CNTNAP2: variants seen among roughly 807,000 people sequenced by gnomAD.
CNTNAP2 encodes contactin-associated protein-like 2.
Under a neutral mutation model 155.2 loss-of-function variants are expected in CNTNAP2, and 98 were observed. That is an observed-to-expected ratio of 0.63 (90% CI 0.54 to 0.75). The LOEUF (loss-of-function observed/expected upper bound fraction) is 0.75. CNTNAP2 is among the 30% of genes least tolerant of loss of function. The pLI is 0.00. For missense variants in CNTNAP2, 1,727 were observed against 1,688.1 expected, an observed-to-expected ratio of 1.02 and a Z score of -0.40; for synonymous variants, 651 against 631.2, an observed-to-expected ratio of 1.03 and a Z score of -0.47.
chr7:146,267,095 A>G (rs1025570770), intron 1 of CNTNAP2, among the ~76,000 whole-genome samples: 10 of 152,258 alleles, frequency 6.6e-5, no homozygotes, highest in African/African-American at 2.4e-4. Context: ...GGTGGTAGAG[A>G]GGAGGCAAAT....
chr7:147,787,417 G>A (rs187901541), intron 13 of CNTNAP2, among the ~76,000 whole-genome samples: 1 of 152,296 alleles, frequency 6.6e-6, no homozygotes, highest in African/African-American at 2.4e-5. Context: ...GTGGGGAGAG[G>A]TGACACAAAG....
At chr7:148,394,771 T>G (rs1400747892) in intron 22 of CNTNAP2, among the ~76,000 whole-genome samples, 2 of 152,216 alleles carry the variant, frequency 1.3e-5, no homozygotes, top group Non-Finnish European at 2.9e-5. Context: ...AGCTCCCAGG[T>G]GCTGCTGATG....
At chr7:146,203,081 A>T (rs1396005745) in intron 1 of CNTNAP2, among the ~76,000 whole-genome samples, 1 of 152,186 alleles carries the variant, frequency 6.6e-6, no homozygotes, top group Non-Finnish European at 1.5e-5. Flanking sequence ...ATGCTCTTAC[A>T]TCACAACAAT....
intron 15 of CNTNAP2, among the ~76,000 whole-genome samples, chr7:148,103,683 T>G (rs913935340): frequency 6.6e-6 from 1 of 152,314 alleles, no homozygotes. Flanking sequence ...AACAGAATCG[T>G]TCTCGCTCTC....
chr7:148,247,621 C>A (rs372933688), intron 20 of CNTNAP2, among the ~76,000 whole-genome samples: 11,991 of 130,948 alleles, frequency 0.092, 789 homozygotes, highest in East Asian at 0.35. Context: ...CTCTCTCTCT[C>A]TCTCTATTTA....
In CNTNAP2 at chr7:147,011,418, CAAAAAAAAAAAA is replaced by C. The variant is rs759844476; in HGVS notation, c.403-32474_403-32463del. On this transcript the variant is annotated intron_variant, in intron 3 of 23. Coordinates refer to ENST00000361727, the MANE Select transcript of CNTNAP2 (RefSeq NM_014141.6). Reference sequence around the variant, plus strand: ...TGGACAACTGAATGACACTCCATCTCAAAAAAAAAAAAAAAAAAAAAAAAAAGGAACAAGGTT... The same window carrying C: ...TGGACAACTGAATGACACTCCATCTCAAAAAAAAAAAAAAGGAACAAGGTT... 3.0e-4 allele frequency among the ~76,000 whole-genome samples: 4 copies of C among 13,260 alleles called. No individual in the cohort carries two copies. In the South Asian group the frequency reaches 0.013, roughly 42 times the overall value. 8.7% of individuals were successfully genotyped at this position (13,260 alleles called of 152,430 possible). A position where few individuals can be genotyped will look rare whatever the true frequency, so the allele number is the denominator to read the frequency against.
At chr7:148,396,217 G>A (rs981257878) in intron 22 of CNTNAP2, among the ~76,000 whole-genome samples, 4 of 149,238 alleles carry the variant, frequency 2.7e-5, no homozygotes, top group East Asian at 1.9e-4. Context: ...CGTCATGCTC[G>A]TGCTACAGGA....
intron 10 of CNTNAP2, among the ~76,000 whole-genome samples, chr7:147,468,357 C>T (rs1798155973): frequency 6.6e-6 from 1 of 152,140 alleles, no homozygotes. Flanking sequence ...TTCTTGTATA[C>T]TTTTGATATT....
At chr7:147,968,962 G>C (rs899497797) in intron 14 of CNTNAP2, among the ~76,000 whole-genome samples, 8 of 152,196 alleles carry the variant, frequency 5.3e-5, no homozygotes, top group African/African-American at 1.9e-4. Context: ...GAAGAAAGCA[G>C]AAACAAGGAA....
chr7:147,806,698 A>C lies in CNTNAP2; in HGVS notation c.2099-96867A>C, dbSNP rs370744235. Among the ~76,000 whole-genome samples the C allele has an allele frequency of 4.3e-4, 65 of 152,316 alleles. 1 individual carries two copies. The East Asian group carries it at 4.8e-3, about 11-fold the overall frequency. On this transcript the variant is annotated intron_variant, in intron 13 of 23. Transcript: ENST00000361727. ...AGAATGAAATTCTGTCATTTACAAC[A>C]ATATGGTTGGAACTGGAGGTCATTA...
intron 3 of CNTNAP2, among the ~76,000 whole-genome samples, chr7:146,907,979 A>C (rs1796177179): frequency 1.3e-5 from 2 of 152,176 alleles, no homozygotes; most frequent in Non-Finnish European, 2.9e-5. Context: ...ATAGAAAACT[A>C]AAAAAGGCAG....
At chr7:146,421,854 T>C (rs955955040) in intron 1 of CNTNAP2, among the ~76,000 whole-genome samples, 5 of 151,684 alleles carry the variant, frequency 3.3e-5, no homozygotes, top group Non-Finnish European at 5.9e-5. Flanking sequence ...CCCAATTATA[T>C]ACTCATATAC....
At chr7:147,081,701 C>A (rs974628831) in intron 4 of CNTNAP2, 1 of 151,910 alleles carries the variant, frequency 6.6e-6, no homozygotes, top group Admixed American at 6.6e-5. Flanking sequence ...GATCTGCCCA[C>A]CTCAGCCTCT....
chr7:147,518,193 G>A (rs2116701791), intron 11 of CNTNAP2, among the ~76,000 whole-genome samples: 1 of 152,228 alleles, frequency 6.6e-6, no homozygotes, highest in South Asian at 2.1e-4. Context: ...TATCATCCTT[G>A]GAGAAGAAAT....
intron 12 of CNTNAP2, among the ~76,000 whole-genome samples, chr7:147,572,105 C>G (rs1800306029): frequency 1.3e-5 from 2 of 152,204 alleles, no homozygotes; most frequent in Non-Finnish European, 2.9e-5. Flanking sequence ...TCGGAACCAA[C>G]TCACTGATCA....
At chr7:147,592,129 C>T (rs1800745862) in intron 12 of CNTNAP2, among the ~76,000 whole-genome samples, 1 of 152,110 alleles carries the variant, frequency 6.6e-6, no homozygotes, top group South Asian at 2.1e-4. Flanking sequence ...GGACTGTGTC[C>T]TGATTTATTC....
intron 12 of CNTNAP2, among the ~76,000 whole-genome samples, chr7:147,566,307 G>C (rs532845664): frequency 1.6e-5 from 2 of 126,410 alleles, no homozygotes; most frequent in African/African-American, 3.0e-5. Flanking sequence ...AGAAGGAGGA[G>C]GAGTAAGAGG....
chr7:147,167,041 C>A (rs1013858316), intron 8 of CNTNAP2, among the ~76,000 whole-genome samples: 1 of 152,020 alleles, frequency 6.6e-6, no homozygotes, highest in Non-Finnish European at 1.5e-5. Context: ...TTTTTTTAAT[C>A]TCTTTTCCTC....
intron 13 of CNTNAP2, among the ~76,000 whole-genome samples, chr7:147,766,203 A>G (rs1278786619): frequency 6.6e-6 from 1 of 152,186 alleles, no homozygotes; most frequent in Non-Finnish European, 1.5e-5. Flanking sequence ...TTAAATGAGT[A>G]TCTCTTATGG....
Sources: allele counts gnomAD v4.1 joint callset (sites outside exome capture counted in the v4.1 genomes callset), GRCh38; gene constraint gnomAD v4.1.1; transcripts MANE v1.5; gene names NCBI Gene and HGNC (gene_info 2026-07-23, HGNC 2026-07-21).